The following FHIT variants were observed in gnomAD, a reference collection of about 807,000 sequenced individuals.
FHIT encodes fragile histidine triad diadenosine triphosphatase.
In FHIT, 19 loss-of-function variants were observed where a neutral mutation model predicts 17.9. The observed-to-expected ratio is 1.06, with a 90% confidence interval of 0.74 to 1.56. The LOEUF is 1.56. Ranked by LOEUF, FHIT falls within the 40% of genes most tolerant of loss-of-function variation. FHIT has a pLI of 0.00. For synonymous variants in FHIT, 81 were observed against 69.7 expected (o/e 1.16, Z -0.81); for missense variants, 248 against 189.2 (o/e 1.31, Z -1.82).
chr3:60,912,118 A>C (rs1419709796), intron 3 of FHIT, among the ~76,000 whole-genome samples: 1 of 152,090 alleles, frequency 6.6e-6, no homozygotes, highest in Non-Finnish European at 1.5e-5. Context: ...CTCCCAACTC[A>C]ATTATACTGC....
intron 5 of FHIT, among the ~76,000 whole-genome samples, chr3:60,250,629 T>C (rs1432334042): frequency 6.6e-6 from 1 of 152,220 alleles, no homozygotes; most frequent in African/African-American, 2.4e-5. Flanking sequence ...AGAGCTCTGC[T>C]AAATTTTCCC....
intron 2 of FHIT, among the ~76,000 whole-genome samples, chr3:61,090,782 G>A (rs756476706): frequency 2.5e-4 from 38 of 152,240 alleles, no homozygotes; most frequent in East Asian, 5.8e-4. Context: ...CAAAAATAAC[G>A]TTTTTCCCCT....
intron 5 of FHIT, among the ~76,000 whole-genome samples, chr3:60,365,676 T>C (rs552183115): frequency 6.6e-6 from 1 of 152,334 alleles, no homozygotes; most frequent in South Asian, 2.1e-4. Context: ...ATATCTAAAA[T>C]TTCTATGAAA....
chr3:60,987,908 C>G (rs2029867128), intron 3 of FHIT, among the ~76,000 whole-genome samples: 1 of 152,194 alleles, frequency 6.6e-6, no homozygotes, highest in South Asian at 2.1e-4. Flanking sequence ...TTTACTATAT[C>G]TGATTGCAAC....
intron 7 of FHIT, among the ~76,000 whole-genome samples, chr3:59,959,272 C>G (rs1187953207): frequency 6.6e-6 from 1 of 152,140 alleles, no homozygotes; most frequent in East Asian, 1.9e-4. Context: ...TCGGAGCTAC[C>G]CTTTAAAGAT....
chr3:59,768,157 C>T (rs1362495534), intron 8 of FHIT, among the ~76,000 whole-genome samples: 4 of 152,158 alleles, frequency 2.6e-5, no homozygotes, highest in Non-Finnish European at 5.9e-5. Flanking sequence ...ATTGGAACAT[C>T]ACAACTGACA....
chr3:59,863,989 G>T lies in FHIT; in HGVS notation c.348+58357C>A, dbSNP rs1270846985. On this transcript the variant is annotated intron_variant, in intron 8 of 9. Coordinates refer to ENST00000492590, the MANE Select transcript of FHIT (RefSeq NM_002012.4). ...TTGCCATGGCCAATGAAGGAAAACA[G>T]ATATGATCCCATTCTAGGTGGAAGC... 2.0e-5 allele frequency among the ~76,000 whole-genome samples: 3 copies of T among 152,292 alleles called. No homozygotes were observed. The East Asian group carries it at 5.8e-4, about 29-fold the overall frequency.
intron 5 of FHIT, among the ~76,000 whole-genome samples, chr3:60,045,854 C>T (rs773872929): frequency 6.6e-6 from 1 of 152,150 alleles, no homozygotes; most frequent in Non-Finnish European, 1.5e-5. Flanking sequence ...GGAGAGCACG[C>T]TTGGAAAGGC....
chr3:59,852,796 G>C (rs1293258157), intron 8 of FHIT, among the ~76,000 whole-genome samples: 1 of 152,064 alleles, frequency 6.6e-6, no homozygotes, highest in Non-Finnish European at 1.5e-5. Context: ...CTTTAGGTAG[G>C]CTTCTTTCAC....
chr3:60,844,159 A>G (rs1361547215), intron 3 of FHIT, among the ~76,000 whole-genome samples: 2 of 152,220 alleles, frequency 1.3e-5, no homozygotes, highest in East Asian at 1.9e-4. Context: ...AGTGTTTAGT[A>G]GAATCTTATT....
chr3:59,962,970 T>C (rs1159461488), intron 7 of FHIT, among the ~76,000 whole-genome samples: 2 of 152,130 alleles, frequency 1.3e-5, no homozygotes, highest in Admixed American at 6.5e-5. Context: ...AAGCAAAATG[T>C]ATTGGCCAGG....
chr3:61,209,006 G>C (rs1341513372), intron 1 of FHIT, among the ~76,000 whole-genome samples: 3 of 151,932 alleles, frequency 2.0e-5, no homozygotes, highest in Non-Finnish European at 4.4e-5. Context: ...TTTTAGGGCT[G>C]GCCTGGTGGT....
chr3:60,022,472 T>C (rs1326554979), intron 5 of FHIT, among the ~76,000 whole-genome samples: 1 of 152,192 alleles, frequency 6.6e-6, no homozygotes, highest in African/African-American at 2.4e-5. Flanking sequence ...TAACTTCTAG[T>C]ATGTGACCGA....
intron 2 of FHIT, among the ~76,000 whole-genome samples, chr3:61,179,812 A>G (rs1337262871): frequency 6.6e-6 from 1 of 151,700 alleles, no homozygotes; most frequent in East Asian, 1.9e-4. Flanking sequence ...GCCTCAGTGG[A>G]AGCAAGCATG....
intron 5 of FHIT, among the ~76,000 whole-genome samples, chr3:60,466,453 C>T (rs1314918817): frequency 6.6e-6 from 1 of 152,032 alleles, no homozygotes; most frequent in Non-Finnish European, 1.5e-5. Flanking sequence ...TGTCTCATTT[C>T]AGATTGTAGG....
intron 8 of FHIT, among the ~76,000 whole-genome samples, chr3:59,802,206 G>T (rs1405776849): frequency 6.6e-6 from 1 of 152,136 alleles, no homozygotes; most frequent in Non-Finnish European, 1.5e-5. Flanking sequence ...TAGTGGCTCA[G>T]GTTCCCCTAC....
chr3:60,709,505 T>G (rs556856545), intron 4 of FHIT, among the ~76,000 whole-genome samples: 63 of 152,338 alleles, frequency 4.1e-4, no homozygotes, highest in African/African-American at 1.5e-3. Context: ...CAAGAAATTT[T>G]TAGTGCTCTG....
intron 4 of FHIT, among the ~76,000 whole-genome samples, chr3:60,736,343 T>C (rs1159283694): frequency 6.6e-6 from 1 of 152,036 alleles, no homozygotes; most frequent in African/African-American, 2.4e-5. Context: ...AATTAAAAAG[T>C]CCATAACCAC....
chr3:60,469,068 T>C (rs1236480483), intron 5 of FHIT, among the ~76,000 whole-genome samples: 1 of 152,172 alleles, frequency 6.6e-6, no homozygotes, highest in East Asian at 1.9e-4. Flanking sequence ...TTATTTCTTT[T>C]CTCTTGCTGC....
Sources: allele counts gnomAD v4.1 joint callset (sites outside exome capture counted in the v4.1 genomes callset), GRCh38; gene constraint gnomAD v4.1.1; transcripts MANE v1.5; gene names NCBI Gene and HGNC (gene_info 2026-07-23, HGNC 2026-07-21).